Variants in CPPED1 observed in about 807,000 individuals in gnomAD.
The protein encoded by CPPED1 is serine/threonine-protein phosphatase CPPED1.
In CPPED1, 28 loss-of-function variants were observed where a neutral mutation model predicts 28.0. The ratio of observed to expected loss-of-function variants is 1.00; its 90% CI spans 0.74 to 1.37. The LOEUF is 1.37. Ranked by LOEUF, CPPED1 falls within the 40% of genes most tolerant of loss-of-function variation. The pLI, the probability that CPPED1 is intolerant of heterozygous loss-of-function variation, is 0.00. For synonymous variants in CPPED1, 198 were observed against 180.2 expected (o/e 1.10, Z -0.79); for missense variants, 504 against 416.5 (o/e 1.21, Z -1.83).
At chr16:12,723,729 C>T (rs1048833325) in intron 2 of CPPED1, among the ~76,000 whole-genome samples, 1 of 152,194 alleles carries the variant, frequency 6.6e-6, no homozygotes, top group Admixed American at 6.5e-5. Context: ...GTCGGAGCAG[C>T]TGTGCTTCTC....
At chr16:12,796,494 C>CA (rs1001001486) in intron 1 of CPPED1, among the ~76,000 whole-genome samples, 8 of 150,872 alleles carry the variant, frequency 5.3e-5, no homozygotes, top group Non-Finnish European at 1.0e-4. Flanking sequence ...GACTCTGTCT[C>CA]AAAAAAACAA....
At chr16:12,776,834 G>C (rs531924517) in intron 2 of CPPED1, among the ~76,000 whole-genome samples, 1 of 152,156 alleles carries the variant, frequency 6.6e-6, no homozygotes, top group East Asian at 1.9e-4. Context: ...CAGGAGAATC[G>C]CTTGAACCCA....
intron 3 of CPPED1, among the ~76,000 whole-genome samples, chr16:12,674,188 A>G (rs534697181): frequency 6.6e-6 from 1 of 152,172 alleles, no homozygotes; most frequent in Admixed American, 6.5e-5. Flanking sequence ...TCCTGCATGA[A>G]AAAAATGAAG....
intron 3 of CPPED1, among the ~76,000 whole-genome samples, chr16:12,669,470 T>A (rs1350085816): frequency 2.6e-5 from 4 of 152,124 alleles, no homozygotes; most frequent in Admixed American, 1.3e-4. Flanking sequence ...AAGAGTGCAT[T>A]TTATGGTATG....
intron 3 of CPPED1, among the ~76,000 whole-genome samples, chr16:12,696,616 T>A (rs1284744343): frequency 6.6e-6 from 1 of 151,912 alleles, no homozygotes; most frequent in East Asian, 1.9e-4. Flanking sequence ...TAATTTTTTG[T>A]ATTTTTAGTA....
At chr16:12,713,069 A>G (rs2080088057) in intron 2 of CPPED1, among the ~76,000 whole-genome samples, 1 of 151,930 alleles carries the variant, frequency 6.6e-6, no homozygotes, top group Non-Finnish European at 1.5e-5. Flanking sequence ...AATGGGGAAA[A>G]GAGAGTACCA....
At chr16:12,758,830 G>A (rs1261695713) in intron 2 of CPPED1, among the ~76,000 whole-genome samples, 2 of 146,132 alleles carry the variant, frequency 1.4e-5, no homozygotes, top group Non-Finnish European at 2.9e-5. Flanking sequence ...AATAAGACAC[G>A]ATGATGATGA....
intron 3 of CPPED1, among the ~76,000 whole-genome samples, chr16:12,699,493 C>T (rs2080009057): frequency 6.6e-6 from 1 of 151,936 alleles, no homozygotes; most frequent in Non-Finnish European, 1.5e-5. Flanking sequence ...TTATCTCATC[C>T]CATTTTTAAA....
chr16:12,770,719 G>C (rs2080464997), intron 2 of CPPED1, among the ~76,000 whole-genome samples: 2 of 152,238 alleles, frequency 1.3e-5, no homozygotes, highest in Non-Finnish European at 1.5e-5. Flanking sequence ...CTACTCGGGA[G>C]ACTGAGGCAG....
Position 12,787,745 on chromosome 16 carries a change from C to A in CPPED1, c.71-6342G>T, listed in dbSNP as rs375140735. ...TTCAACGTTAATTTTTTGACAGATT[C>A]ATAGAGAAGTTAATTTAGCTGTCTA... On this transcript the variant is annotated intron_variant, in intron 1 of 3. Coordinates refer to ENST00000381774, the MANE Select transcript of CPPED1 (RefSeq NM_018340.3). Among the ~76,000 whole-genome samples the A allele has an allele frequency of 1.3e-3, 191 of 152,238 alleles. 1 individual carries two copies. Among genetic ancestry groups the A allele is most frequent in the African/African-American group, 4.2e-3 (174 of 41,560 alleles).
chr16:12,721,346 G>A (rs537371420), intron 2 of CPPED1, among the ~76,000 whole-genome samples: 23 of 152,098 alleles, frequency 1.5e-4, no homozygotes, highest in Admixed American at 2.6e-4. Flanking sequence ...AATATAACCC[G>A]GTTATAAAAC....
chr16:12,666,415 GGAA>G (rs1170408477), intron 3 of CPPED1, among the ~76,000 whole-genome samples: 1 of 152,238 alleles, frequency 6.6e-6, no homozygotes, highest in Non-Finnish European at 1.5e-5. Context: ...GCTCCCTGCT[GGAA>G]GAAGGGCTGT....
chr16:12,769,963 G>A (rs1596478649), intron 2 of CPPED1, among the ~76,000 whole-genome samples: 2 of 152,118 alleles, frequency 1.3e-5, no homozygotes, highest in South Asian at 2.1e-4. Context: ...GGAAATAAAC[G>A]TGATTTAACT....
At chr16:12,697,044 A>G (rs2079994966) in intron 3 of CPPED1, among the ~76,000 whole-genome samples, 1 of 151,770 alleles carries the variant, frequency 6.6e-6, no homozygotes, top group Non-Finnish European at 1.5e-5. Flanking sequence ...TTATTTTTTG[A>G]GTCAGAATCT....
At chr16:12,729,132 A>C (rs1177830618) in intron 2 of CPPED1, among the ~76,000 whole-genome samples, 1 of 152,084 alleles carries the variant, frequency 6.6e-6, no homozygotes, top group Non-Finnish European at 1.5e-5. Context: ...AGAGGTGTGG[A>C]GAGTCCAGCA....
chr16:12,756,552 G>A (rs116683305), intron 2 of CPPED1, among the ~76,000 whole-genome samples: 3,443 of 152,072 alleles, frequency 0.023, 62 homozygotes, highest in East Asian at 0.12. Context: ...AATTAGCTGG[G>A]TGTGATGGCA....
At chr16:12,669,963 G>C (rs1250611303) in intron 3 of CPPED1, among the ~76,000 whole-genome samples, 1 of 152,164 alleles carries the variant, frequency 6.6e-6, no homozygotes, top group Non-Finnish European at 1.5e-5. Flanking sequence ...AATCTGAGTA[G>C]TGAAATAAAC....
chr16:12,716,020 T>C (rs1448563597), intron 2 of CPPED1, among the ~76,000 whole-genome samples: 29 of 152,246 alleles, frequency 1.9e-4, no homozygotes. Flanking sequence ...AGTGATTTTA[T>C]GGTTTTTAGC....
At chr16:12,774,145 G>T (rs763279705) in intron 2 of CPPED1, among the ~76,000 whole-genome samples, 3 of 152,146 alleles carry the variant, frequency 2.0e-5, no homozygotes, top group Non-Finnish European at 2.9e-5. Flanking sequence ...CGCCAGGGAT[G>T]AGGAGGCATT....
Sources: allele counts gnomAD v4.1 joint callset (sites outside exome capture counted in the v4.1 genomes callset), GRCh38; gene constraint gnomAD v4.1.1; transcripts MANE v1.5; gene names NCBI Gene and HGNC (gene_info 2026-07-23, HGNC 2026-07-21).